SLCO1A2: variants seen among roughly 807,000 people sequenced by gnomAD.
SLCO1A2 encodes solute carrier organic anion transporter family member 1A2.
SLCO1A2 carries 67 observed loss-of-function variants against 69.0 expected under a neutral mutation model. The observed-to-expected ratio is 0.97, with a 90% CI of 0.80 to 1.19. The LOEUF is 1.19. Ranked by LOEUF, SLCO1A2 falls within the 50% of genes most tolerant of loss-of-function variation. SLCO1A2 has a pLI of 0.00. For missense variants in SLCO1A2, 787 were observed against 793.7 expected (o/e 0.99, Z 0.10); for synonymous variants, 260 against 265.9 (o/e 0.98, Z 0.22).
chr12:21,363,344 G>C lies in SLCO1A2; in HGVS notation c.-63+11055C>G, dbSNP rs543813919. ...CAGAAATAAAGATGTTCTTTGAAACGAATGAGAACAAAGACACAACATACC... is the reference window on the plus strand; with the variant it reads ...CAGAAATAAAGATGTTCTTTGAAACCAATGAGAACAAAGACACAACATACC... On this transcript the variant is annotated intron_variant, in intron 2 of 15. Transcript: ENST00000307378. Among the ~76,000 whole-genome samples the C allele has an allele frequency of 8.7e-3, 1,323 of 152,038 alleles. 16 individuals are homozygous for C. The highest frequency in any genetic ancestry group is 0.03 in the African/African-American group (1,238 of 41,452).
intron 1 of SLCO1A2, among the ~76,000 whole-genome samples, chr12:21,384,759 G>A (rs1429957780): frequency 6.8e-6 from 1 of 147,424 alleles, no homozygotes; most frequent in African/African-American, 2.5e-5. Flanking sequence ...TGTCCACTTA[G>A]TTTTTTTTTC....
intron 12 of SLCO1A2, among the ~76,000 whole-genome samples, chr12:21,276,135 T>G (rs11045927): frequency 0.19 from 28,339 of 152,044 alleles, 3,318 homozygotes; most frequent in African/African-American, 0.33. Context: ...AAGTCTCAGA[T>G]GTGTAAGGTT....
At chr12:21,395,657 A>G (rs913875189), upstream of SLCO1A2, among the ~76,000 whole-genome samples, 4 of 152,218 alleles carry the variant, frequency 2.6e-5, no homozygotes, top group Admixed American at 6.5e-5. Context: ...TGGGTCTCCC[A>G]GCACGCAGCT....
rs776766531 is a variant in SLCO1A2, at chr12:21,275,412, A to G, written c.1623T>C (p.Ser541=). ...GYMVLLRCMK[S]EEKSLGVGLH... ...ATCCCACACCAAGGGACTTCTCTTC[A>G]GATTTCATACACCTGAAAAGTAAAT... The change falls in exon 13 of 15, where the codon TCT becomes TCC. Residue 541 remains serine, a synonymous_variant. Coordinates refer to ENST00000683939, the MANE Select transcript of SLCO1A2 (RefSeq NM_001386879.1). The G allele has an allele frequency of 5.3e-6, 8 of 1,506,796 alleles. No individual in the cohort carries two copies. The East Asian group carries it at 1.8e-4, about 35-fold the overall frequency. 93.3% of individuals were successfully genotyped at this position (1,506,796 alleles called of 1,614,324 possible). A position where few individuals can be genotyped will look rare whatever the true frequency, so the allele number is the denominator to read the frequency against.
At position 21,347,697 on chromosome 12, in the gene SLCO1A2, G is replaced by GAAGGAAGGAAGGAAGA; in HGVS notation, c.-62-12989_-62-12988insTCTTCCTTCCTTCCTT. The stretch of plus-strand genomic sequence containing the variant: ...GGAAGGAAGGAAGGAAGGAAGGAAG[G>GAAGGAAGGAAGGAAGA]AAGAAGGAAAAAAGGAAGGAAGAGG... On this transcript the variant is annotated intron_variant, in intron 2 of 15. Coordinates refer to the SLCO1A2 transcript ENST00000307378. 2.5e-5 allele frequency among the ~76,000 whole-genome samples: 3 copies of GAAGGAAGGAAGGAAGA among 117,830 alleles called. 1 individual carries two copies. Among genetic ancestry groups the GAAGGAAGGAAGGAAGA allele is most frequent in the African/African-American group, 1.2e-4 (3 of 25,654 alleles). The allele number at this position is 117,830 out of a possible 152,430, so 77.3% of individuals were successfully genotyped here.
rs7977606 is a variant in SLCO1A2, at chr12:21,292,447, C to T, written c.1438-111G>A. 3,230 of 709,944 alleles carry T rather than the reference C, an allele frequency of 4.5e-3. 66 individuals carry two copies. The African/African-American group carries it at 0.047, about 10-fold the overall frequency. 44.0% of individuals were successfully genotyped at this position (709,944 alleles called of 1,614,324 possible). The stretch of plus-strand genomic sequence containing the variant: ...ATGGAGACTGCTTGTTCCCTTTACT[C>T]CATCTCCATTATGATGTCTCTCAAG... On this transcript the variant is annotated intron_variant, in intron 11 of 14. Coordinates refer to ENST00000683939, the MANE Select transcript of SLCO1A2 (RefSeq NM_001386879.1).
intron 4 of SLCO1A2, 75 bp downstream of exon 4, chr12:21,314,474 C>T: frequency 1.3e-6 from 2 of 1,519,106 alleles, no homozygotes; most frequent in Non-Finnish European, 1.8e-6. Flanking sequence ...AGCATTGCTC[C>T]TAGAGAGGAA....
intron 2 of SLCO1A2, among the ~76,000 whole-genome samples, chr12:21,372,289 C>A (rs1939857737): frequency 6.6e-6 from 1 of 152,056 alleles, no homozygotes; most frequent in Admixed American, 6.6e-5. Context: ...TTTTTTTATT[C>A]ATTTGGTTAT....
chr12:21,313,432 G>T (rs1221012645), intron 4 of SLCO1A2, among the ~76,000 whole-genome samples: 1 of 152,334 alleles, frequency 6.6e-6, no homozygotes, highest in East Asian at 1.9e-4. Context: ...CAGAGGCAAG[G>T]CTTGGCCAGG....
At chr12:21,271,088 T>TTAAC (rs1160824186) in intron 14 of SLCO1A2, among the ~76,000 whole-genome samples, 13 of 148,754 alleles carry the variant, frequency 8.7e-5, no homozygotes, top group African/African-American at 3.1e-4. Flanking sequence ...ATAACCACAT[T>TTAAC]TAACTTAACT....
intron 11 of SLCO1A2, among the ~76,000 whole-genome samples, chr12:21,293,600 T>C (rs560824485): frequency 1.3e-5 from 2 of 151,298 alleles, no homozygotes; most frequent in Admixed American, 6.6e-5. Flanking sequence ...TATATGTATA[T>C]ATATATAGCA....
upstream of SLCO1A2, among the ~76,000 whole-genome samples, chr12:21,338,023 T>C (rs1177273901): frequency 6.6e-6 from 1 of 152,018 alleles, no homozygotes; most frequent in Non-Finnish European, 1.5e-5. Flanking sequence ...CTTTAGATAA[T>C]GTACTAACTC....
chr12:21,370,930 G>T (rs1299837397), intron 2 of SLCO1A2, among the ~76,000 whole-genome samples: 4 of 152,166 alleles, frequency 2.6e-5, no homozygotes, highest in Non-Finnish European at 5.9e-5. Context: ...AGAGTTCAGG[G>T]GCAAGTTGGA....
intron 1 of SLCO1A2, among the ~76,000 whole-genome samples, chr12:21,376,688 T>C (rs1940220069): frequency 6.6e-6 from 1 of 151,798 alleles, no homozygotes. Flanking sequence ...TCACATGAGA[T>C]TATTAAATAT....
At chr12:21,332,350 G>C (rs767695234) in intron 2 of SLCO1A2, among the ~76,000 whole-genome samples, 27 of 152,072 alleles carry the variant, frequency 1.8e-4, no homozygotes, top group Non-Finnish European at 3.1e-4. Context: ...ATTATTTCCT[G>C]TTTACAATCA....
chr12:21,339,153 T>C (rs540781780), upstream of SLCO1A2, among the ~76,000 whole-genome samples: 10 of 152,188 alleles, frequency 6.6e-5, no homozygotes, highest in South Asian at 2.1e-3. Flanking sequence ...TACTCATTTA[T>C]TCTACAAATA....
At chr12:21,396,548 G>C (rs1406034661), upstream of SLCO1A2, among the ~76,000 whole-genome samples, 1 of 150,868 alleles carries the variant, frequency 6.6e-6, no homozygotes, top group Non-Finnish European at 1.5e-5. Context: ...CTCGAGAAGA[G>C]CAACTCCAAG....
At chr12:21,325,139 C>A (rs968251111) in intron 2 of SLCO1A2, among the ~76,000 whole-genome samples, 6 of 152,132 alleles carry the variant, frequency 3.9e-5, no homozygotes, top group Non-Finnish European at 5.9e-5. Context: ...TCCCTACTAG[C>A]CCTTCAGCTT....
rs749537734 is a variant in SLCO1A2, at chr12:21,314,527, A to G, written c.335+22T>C. 5.6e-6 allele frequency: 9 copies of G among 1,610,954 alleles called. No individual in the cohort carries two copies. The South Asian group carries it at 7.8e-5, about 14-fold the overall frequency. ...TGCAAGTGAAATTTGACCACCCAAA[A>G]TTATCAGACTGGAGTACTTACTGGT... On this transcript the variant is annotated intron_variant, in intron 4 of 14. Transcript: ENST00000683939.
Sources: gnomAD v4.1 joint callset for allele counts (sites outside exome capture counted in the v4.1 genomes callset) on GRCh38, gnomAD v4.1.1 for gene constraint, MANE v1.5 for transcripts, NCBI Gene and HGNC (gene_info 2026-07-23, HGNC 2026-07-21) for gene names.